SH3BGRL2: variants seen among roughly 807,000 people sequenced by gnomAD.
The protein encoded by SH3BGRL2 is SH3 domain-binding glutamic acid-rich-like protein 2.
SH3BGRL2 carries 21 observed loss-of-function variants against 14.8 expected under a neutral mutation model. The observed-to-expected ratio is 1.42, with a 90% confidence interval of 1.01 to 2.05. The LOEUF (loss-of-function observed/expected upper bound fraction) is 2.05, where lower values mean the gene tolerates loss of function less well. Ranked by LOEUF, SH3BGRL2 falls within the 30% of genes most tolerant of loss-of-function variation. The pLI is 0.00. For synonymous variants in SH3BGRL2, 50 were observed against 47.8 expected, an observed-to-expected ratio of 1.05 and a Z score of -0.19; for missense variants, 147 against 130.8, an observed-to-expected ratio of 1.12 and a Z score of -0.61.
At chr6:79,657,876 T>G (rs912943399) in intron 1 of SH3BGRL2, among the ~76,000 whole-genome samples, 3 of 152,234 alleles carry the variant, frequency 2.0e-5, no homozygotes, top group Admixed American at 6.5e-5. Flanking sequence ...ATTGTTTCAT[T>G]AATGTATGAT....
At chr6:79,563,129 G>T in the SH3BGRL2 span, among the ~76,000 whole-genome samples, 24 of 139,982 alleles carry the variant, frequency 1.7e-4, no homozygotes, top group African/African-American at 5.9e-4. Context: ...CTAATTTTTT[G>T]AATTTTTTTT....
intron 2 of SH3BGRL2, among the ~76,000 whole-genome samples, chr6:79,684,941 G>T (rs1347625554): frequency 6.6e-6 from 1 of 152,216 alleles, no homozygotes. Context: ...GGGAAAAGTT[G>T]AGTAGTAGAG....
the SH3BGRL2 span, among the ~76,000 whole-genome samples, chr6:79,539,038 T>C: frequency 2.0e-5 from 3 of 152,216 alleles, no homozygotes; most frequent in Non-Finnish European, 4.4e-5. Context: ...CAAGAAAATA[T>C]TTAAGACGCT....
the SH3BGRL2 span, among the ~76,000 whole-genome samples, chr6:79,617,590 C>T: frequency 6.6e-6 from 1 of 152,014 alleles, no homozygotes; most frequent in African/African-American, 2.4e-5. Context: ...GTCCCTCAAA[C>T]TTTGCTGTGT....
chr6:79,633,018 C>A (rs1302022646), intron 1 of SH3BGRL2, among the ~76,000 whole-genome samples: 2 of 152,170 alleles, frequency 1.3e-5, no homozygotes, highest in Non-Finnish European at 2.9e-5. Flanking sequence ...CAAGTCGGAC[C>A]AAGTCAAGGT....
the SH3BGRL2 span, among the ~76,000 whole-genome samples, chr6:79,541,207 C>T: frequency 2.0e-5 from 3 of 152,058 alleles, no homozygotes; most frequent in African/African-American, 7.3e-5. Flanking sequence ...GAGCTGAGAT[C>T]ACACCACTGC....
At chr6:79,664,565 G>C (rs945655149) in intron 1 of SH3BGRL2, among the ~76,000 whole-genome samples, 3 of 152,150 alleles carry the variant, frequency 2.0e-5, no homozygotes, top group Non-Finnish European at 4.4e-5. Flanking sequence ...TGCCTTTGGT[G>C]TCACTGTCAC....
chr6:79,570,469 A>C, the SH3BGRL2 span, among the ~76,000 whole-genome samples: 1 of 152,222 alleles, frequency 6.6e-6, no homozygotes, highest in African/African-American at 2.4e-5. Context: ...AACTCACAGA[A>C]ATATAAAAGG....
chr6:79,599,552 G>A, the SH3BGRL2 span, among the ~76,000 whole-genome samples: 1 of 151,950 alleles, frequency 6.6e-6, no homozygotes, highest in African/African-American at 2.4e-5. Context: ...TGCATTTTTA[G>A]TAGAGATGTG....
the SH3BGRL2 span, among the ~76,000 whole-genome samples, chr6:79,617,134 G>A: frequency 1.1e-4 from 17 of 151,644 alleles, no homozygotes; most frequent in East Asian, 9.7e-4. Context: ...GTGGTGGGCC[G>A]TCATGGCACC....
chr6:79,559,201 C>T, the SH3BGRL2 span, among the ~76,000 whole-genome samples: 14 of 152,032 alleles, frequency 9.2e-5, no homozygotes, highest in Non-Finnish European at 1.6e-4. Context: ...CAATGTCTCA[C>T]GCCTGTAATC....
chr6:79,662,794 A>G (rs1161048063), intron 1 of SH3BGRL2, among the ~76,000 whole-genome samples: 1 of 152,138 alleles, frequency 6.6e-6, no homozygotes, highest in Admixed American at 6.5e-5. Context: ...AATCAAACGT[A>G]GATTTGGTCT....
chr6:79,654,322 T>C (rs762409262), intron 1 of SH3BGRL2, among the ~76,000 whole-genome samples: 9 of 152,178 alleles, frequency 5.9e-5, no homozygotes, highest in Non-Finnish European at 8.8e-5. Context: ...TTGCTAAAGA[T>C]CAAGTGAATT....
intron 2 of SH3BGRL2, among the ~76,000 whole-genome samples, chr6:79,679,855 T>C (rs1031135225): frequency 3.9e-5 from 6 of 152,326 alleles, no homozygotes; most frequent in African/African-American, 1.4e-4. Context: ...CTTTTGAATA[T>C]GTTTGTTAGC....
chr6:79,695,660 C>T (rs750506174), intron 2 of SH3BGRL2, among the ~76,000 whole-genome samples: 3 of 152,168 alleles, frequency 2.0e-5, no homozygotes, highest in Admixed American at 6.5e-5. Context: ...CAGTCTCTAA[C>T]CCGGCAGGCT....
At chr6:79,652,268 T>A (rs1182183202) in intron 1 of SH3BGRL2, among the ~76,000 whole-genome samples, 1 of 152,182 alleles carries the variant, frequency 6.6e-6, no homozygotes, top group Non-Finnish European at 1.5e-5. Flanking sequence ...TTAACTGTGT[T>A]ACCAGTGTAA....
intron 1 of SH3BGRL2, among the ~76,000 whole-genome samples, chr6:79,661,790 A>T (rs1769554019): frequency 6.6e-6 from 1 of 152,002 alleles, no homozygotes; most frequent in African/African-American, 2.4e-5. Flanking sequence ...GTCTCTAAGG[A>T]CTTGCTTTAT....
chr6:79,695,449 G>A (rs1273725306), intron 2 of SH3BGRL2, among the ~76,000 whole-genome samples: 12 of 152,176 alleles, frequency 7.9e-5, no homozygotes, highest in African/African-American at 2.7e-4. Context: ...TCTAGATGCC[G>A]TTGGCTTGGC....
At chr6:79,611,989 AG>A in the SH3BGRL2 span, among the ~76,000 whole-genome samples, 1 of 152,194 alleles carries the variant, frequency 6.6e-6, no homozygotes, top group Non-Finnish European at 1.5e-5. Context: ...ATGTTAGACA[AG>A]GCTGGACCCA....
Sources: allele counts gnomAD v4.1 joint callset (sites outside exome capture counted in the v4.1 genomes callset), GRCh38; gene constraint gnomAD v4.1.1; transcripts MANE v1.5; gene names NCBI Gene and HGNC (gene_info 2026-07-23, HGNC 2026-07-21).